SLC15A2: variants seen among roughly 807,000 people sequenced by gnomAD.
SLC15A2 encodes kidney H(+)/peptide cotransporter.
A neutral mutation model predicts 95.5 loss-of-function variants in SLC15A2; 77 were observed. The ratio of observed to expected loss-of-function variants is 0.81; its 90% CI spans 0.67 to 0.97. The LOEUF (loss-of-function observed/expected upper bound fraction) is 0.97, where lower values mean the gene tolerates loss of function less well. Among genes scored for constraint, SLC15A2 ranks in the 50% least tolerant of loss-of-function variants. The probability of loss-of-function intolerance (pLI) is 0.00; values close to 1 mark genes in which losing one functional copy is unlikely to be tolerated. For missense variants in SLC15A2, 893 were observed against 874.4 expected (o/e 1.02, Z -0.27); for synonymous variants, 306 against 306.9 (o/e 1.00, Z 0.03).
chr3:121,910,753 G>A (rs1709750183), intron 3 of SLC15A2, among the ~76,000 whole-genome samples: 1 of 152,178 alleles, frequency 6.6e-6, no homozygotes, highest in Non-Finnish European at 1.5e-5. Flanking sequence ...GAATGCTGGT[G>A]TGGTAGTACA....
intron 3 of SLC15A2, among the ~76,000 whole-genome samples, chr3:121,909,334 A>T (rs1414336634): frequency 2.0e-5 from 3 of 152,110 alleles, no homozygotes; most frequent in Non-Finnish European, 2.9e-5. Context: ...AAGTTCTGGG[A>T]TTACAGGGGT....
intron 3 of SLC15A2, among the ~76,000 whole-genome samples, chr3:121,903,589 A>G (rs1709563959): frequency 6.6e-6 from 1 of 152,146 alleles, no homozygotes; most frequent in African/African-American, 2.4e-5. Context: ...TTTTCCTAGC[A>G]CCATTTATTA....
Position 121,894,451 on chromosome 3 carries a change from G to C in SLC15A2, c.-26G>C, listed in dbSNP as rs767254276. 6.7e-7 allele frequency: 1 copy of C among 1,489,596 alleles called. No individual in the cohort carries two copies. Among genetic ancestry groups the C allele is most frequent in the Non-Finnish European group, 9.3e-7 (1 of 1,080,874 alleles). The allele number at this position is 1,489,596 out of a possible 1,614,324, so 92.3% of individuals were successfully genotyped here. On this transcript the variant is annotated 5_prime_UTR_variant, in exon 1 of 22. Transcript: ENST00000489711. ...TGCCTACTAAAGCCAAATGCTTGAG[G>C]AGAGAGAGAGAGTAAGGAGCCAGCC...
At chr3:121,940,542 T>A in intron 21 of SLC15A2, 54 bp downstream of exon 21, 2 of 1,411,810 alleles carry the variant, frequency 1.4e-6, no homozygotes, top group South Asian at 1.2e-5. Context: ...TCCTCCAGCT[T>A]TCTCTTCTCC....
chr3:121,923,414 A>T, intron 11 of SLC15A2, 148 bp downstream of exon 11: 1 of 713,636 alleles, frequency 1.4e-6, no homozygotes, highest in Non-Finnish European at 2.3e-6. Flanking sequence ...AGGCAAAGAT[A>T]AAGAAAGCTA....
intron 15 of SLC15A2, 110 bp from the exon 16 acceptor site, chr3:121,928,872 C>A: frequency 8.6e-7 from 1 of 1,163,090 alleles, no homozygotes; most frequent in Non-Finnish European, 1.2e-6. Context: ...AAAGGAATTA[C>A]TAGGTTGAAA....
At chr3:121,905,234 C>T (rs1709610836) in intron 3 of SLC15A2, among the ~76,000 whole-genome samples, 1 of 151,980 alleles carries the variant, frequency 6.6e-6, no homozygotes, top group Non-Finnish European at 1.5e-5. Context: ...TTTGATTCTT[C>T]TCTCTTTTCT....
chr3:121,939,166 G>A (rs766310996), intron 19 of SLC15A2, 183 bp from the exon 20 acceptor site: 22 of 413,812 alleles, frequency 5.3e-5, no homozygotes, highest in Non-Finnish European at 7.6e-5. Flanking sequence ...ATCTAGGCGA[G>A]TGAGCATAAT....
At chr3:121,896,261 A>T (rs1559837017) in intron 1 of SLC15A2, 145 bp from the exon 2 acceptor site, 2 of 654,074 alleles carry the variant, frequency 3.1e-6, no homozygotes, top group Non-Finnish European at 5.5e-6. Flanking sequence ...GTTACCTAAT[A>T]GGTGTGTCAT....
intron 11 of SLC15A2, 84 bp downstream of exon 11, chr3:121,923,350 C>T (rs1318970626): frequency 1.5e-6 from 2 of 1,367,062 alleles, no homozygotes; most frequent in Non-Finnish European, 2.1e-6. Flanking sequence ...TGTGATTTTG[C>T]CTGAAAACTA....
intron 19 of SLC15A2, among the ~76,000 whole-genome samples, chr3:121,932,974 A>G (rs1184573033): frequency 6.6e-6 from 1 of 151,142 alleles, no homozygotes; most frequent in Admixed American, 6.6e-5. Flanking sequence ...ATGTGATCTC[A>G]TTGTTCAATT....
At chr3:121,912,363 C>T (rs1331190043) in intron 4 of SLC15A2, among the ~76,000 whole-genome samples, 2 of 151,872 alleles carry the variant, frequency 1.3e-5, no homozygotes, top group Non-Finnish European at 1.5e-5. Context: ...CCTCCCGAGT[C>T]GCTGGGATTA....
intron 14 of SLC15A2, 105 bp downstream of exon 14, chr3:121,927,944 GT>G: frequency 2.5e-6 from 2 of 791,528 alleles, no homozygotes; most frequent in East Asian, 5.2e-5. Context: ...CACAGTACCT[GT>G]TTTATAAGAG....
intron 19 of SLC15A2, among the ~76,000 whole-genome samples, chr3:121,934,378 A>C (rs1297270386): frequency 2.6e-5 from 4 of 152,004 alleles, no homozygotes; most frequent in South Asian, 2.1e-4. Context: ...CACAATATTG[A>C]TTCTTCCTAC....
chr3:121,898,227 C>A (rs1175771815), intron 3 of SLC15A2, among the ~76,000 whole-genome samples: 1 of 151,662 alleles, frequency 6.6e-6, no homozygotes, highest in Non-Finnish European at 1.5e-5. Flanking sequence ...TCCATCTCTT[C>A]TCCAGATTGA....
chr3:121,900,835 T>G (rs1260051399), intron 3 of SLC15A2, among the ~76,000 whole-genome samples: 1 of 151,974 alleles, frequency 6.6e-6, no homozygotes, highest in Non-Finnish European at 1.5e-5. Flanking sequence ...TTCTCACCCT[T>G]ATATGACATT....
intron 3 of SLC15A2, among the ~76,000 whole-genome samples, chr3:121,904,712 T>G (rs1475294786): frequency 6.6e-6 from 1 of 152,234 alleles, no homozygotes; most frequent in Non-Finnish European, 1.5e-5. Flanking sequence ...GACTTGATCA[T>G]GGTGGATAAC....
intron 3 of SLC15A2, among the ~76,000 whole-genome samples, chr3:121,905,830 T>C (rs905964282): frequency 7.9e-5 from 12 of 152,212 alleles, no homozygotes; most frequent in Non-Finnish European, 1.8e-4. Flanking sequence ...TTCTATTGAT[T>C]TGGGGTGGAG....
intron 6 of SLC15A2, 54 bp from the exon 7 acceptor site, chr3:121,915,562 A>G (rs1334136850): frequency 1.5e-6 from 2 of 1,359,714 alleles, no homozygotes; most frequent in South Asian, 2.3e-5. Flanking sequence ...AGAATAAAAC[A>G]TCAAATATTC....
Sources: allele counts gnomAD v4.1 joint callset (sites outside exome capture counted in the v4.1 genomes callset), GRCh38; gene constraint gnomAD v4.1.1; transcripts MANE v1.5; gene names NCBI Gene and HGNC (gene_info 2026-07-23, HGNC 2026-07-21).